Variants in SFXN5 observed in about 807,000 individuals in gnomAD.
SFXN5 encodes sideroflexin-5.
SFXN5 carries 43 observed loss-of-function variants against 50.2 expected under a neutral mutation model. That is an observed-to-expected ratio of 0.86 (90% confidence interval 0.67 to 1.11). SFXN5 has a LOEUF of 1.11. SFXN5 is among the 50% of genes least tolerant of loss of function. The pLI is 0.00. For synonymous variants in SFXN5, 203 were observed against 185.8 expected, an observed-to-expected ratio of 1.09 and a Z score of -0.75; for missense variants, 463 against 454.1, an observed-to-expected ratio of 1.02 and a Z score of -0.18.
At chr2:73,061,280 C>T (rs1286396259) in intron 1 of SFXN5, among the ~76,000 whole-genome samples, 1 of 150,082 alleles carries the variant, frequency 6.7e-6, no homozygotes, top group East Asian at 2.0e-4. Context: ...TGCACTGCAG[C>T]CTAGGCGACA....
chr2:73,054,721 T>C (rs1318661793), intron 2 of SFXN5, among the ~76,000 whole-genome samples: 2 of 152,334 alleles, frequency 1.3e-5, no homozygotes, highest in Non-Finnish European at 2.9e-5. Flanking sequence ...ACCTCTATCC[T>C]TTAAGTCTCA....
At chr2:73,061,818 T>C (rs752217181) in intron 1 of SFXN5, among the ~76,000 whole-genome samples, 7 of 152,090 alleles carry the variant, frequency 4.6e-5, no homozygotes, top group South Asian at 2.1e-4. Context: ...AAAATACATA[T>C]TTAGAGTAAA....
intron 2 of SFXN5, among the ~76,000 whole-genome samples, chr2:73,054,341 A>C (rs750830416): frequency 7.9e-5 from 12 of 152,230 alleles, no homozygotes; most frequent in Non-Finnish European, 1.5e-4. Context: ...TAGTCAGTAA[A>C]TATTTAAGTT....
At chr2:73,040,560 C>T (rs1011281373) in intron 3 of SFXN5, among the ~76,000 whole-genome samples, 2 of 152,184 alleles carry the variant, frequency 1.3e-5, no homozygotes, top group East Asian at 1.9e-4. Flanking sequence ...CATCCCTGAT[C>T]GTGGAATTGG....
intron 1 of SFXN5, chr2:73,059,006 A>G (rs1040738241): frequency 1.1e-6 from 1 of 949,822 alleles, no homozygotes; most frequent in Non-Finnish European, 1.2e-6. Context: ...CATCCTGCCT[A>G]CCCGCCACAG....
intron 10 of SFXN5, 34 bp from the exon 11 acceptor site, chr2:72,971,719 G>A (rs1403708806): frequency 6.5e-7 from 1 of 1,531,470 alleles, no homozygotes; most frequent in South Asian, 1.1e-5. Flanking sequence ...AGCAGGATGA[G>A]GAGGAAGATG....
intron 1 of SFXN5, among the ~76,000 whole-genome samples, chr2:73,064,572 A>G (rs1574275279): frequency 6.6e-6 from 1 of 152,200 alleles, no homozygotes; most frequent in African/African-American, 2.4e-5. Context: ...ATTTCAAGCA[A>G]ACTATGAGAC....
rs1270102510 is a variant in SFXN5, at chr2:72,958,360, C to T, written c.945+2771G>A. Among the ~76,000 whole-genome samples, 3 of 152,192 alleles carry T rather than the reference C, an allele frequency of 2.0e-5. No homozygotes were observed. In the East Asian group the frequency reaches 5.8e-4, roughly 29 times the overall value. On this transcript the variant is annotated intron_variant, in intron 13 of 13. Transcript: ENST00000272433. ...GTGTGGACCTCTGGTGTTTCCTCTC[C>T]TATCGGCACCTGACTTCTGCAACCT...
chr2:73,052,935 T>A (rs1306991616), intron 2 of SFXN5, among the ~76,000 whole-genome samples: 49 of 152,356 alleles, frequency 3.2e-4, no homozygotes, highest in Non-Finnish European at 4.4e-5. Context: ...CCCAGCACTC[T>A]GGGAGGCCAA....
intron 10 of SFXN5, among the ~76,000 whole-genome samples, chr2:72,983,270 CCTT>C (rs1471395184): frequency 2.6e-5 from 4 of 152,196 alleles, no homozygotes; most frequent in Non-Finnish European, 2.9e-5. Flanking sequence ...GAACAGAAGA[CCTT>C]CTCCCAAATA....
At chr2:72,982,190 G>A (rs527636706) in intron 10 of SFXN5, among the ~76,000 whole-genome samples, 1 of 152,288 alleles carries the variant, frequency 6.6e-6, no homozygotes, top group East Asian at 1.9e-4. Context: ...AGAGATACTA[G>A]TATCCATTTT....
At position 73,000,187 on chromosome 2, in the gene SFXN5, C is replaced by G. The variant is rs150069007; in HGVS notation, c.468+244G>C. On this transcript the variant is annotated intron_variant, in intron 8 of 13. Coordinates refer to ENST00000272433, the MANE Select transcript of SFXN5 (RefSeq NM_144579.3). ...GCACTGCTCCCATTTAATGGGCCTTCTTCACTTCATGTAAACAGCCCCTCC... is the reference window on the plus strand; with the variant it reads ...GCACTGCTCCCATTTAATGGGCCTTGTTCACTTCATGTAAACAGCCCCTCC... Among the ~76,000 whole-genome samples the G allele has an allele frequency of 2.5e-3, 380 of 152,334 alleles. 6 individuals are homozygous for G. Among genetic ancestry groups the G allele is most frequent in the African/African-American group, 8.7e-3 (363 of 41,572 alleles).
intron 2 of SFXN5, among the ~76,000 whole-genome samples, chr2:73,047,747 TA>T (rs1680701418): frequency 6.6e-6 from 1 of 152,162 alleles, no homozygotes; most frequent in Non-Finnish European, 1.5e-5. Flanking sequence ...CTCTTTCCTT[TA>T]TAATTACCCA....
chr2:72,999,505 C>T (rs763389661), intron 8 of SFXN5, among the ~76,000 whole-genome samples: 1 of 151,924 alleles, frequency 6.6e-6, no homozygotes, highest in Non-Finnish European at 1.5e-5. Context: ...GAATAATATA[C>T]CCCAAGTTCC....
rs1021113633 is a variant in SFXN5 at position 73,001,454 on chromosome 2, A to G, written c.411+71T>C. 4.6e-6 allele frequency: 7 copies of G among 1,528,984 alleles called. No homozygotes were observed. The African/African-American group carries it at 9.6e-5, about 21-fold the overall frequency. The allele number at this position is 1,528,984 out of a possible 1,614,324, so 94.7% of individuals were successfully genotyped here. A position where few individuals can be genotyped will look rare whatever the true frequency, so the allele number is the denominator to read the frequency against. On this transcript the variant is annotated intron_variant, in intron 7 of 13. Coordinates refer to ENST00000272433, the MANE Select transcript of SFXN5 (RefSeq NM_144579.3). ...GTCTGGACGGGGCAGGAGACACCACAGCAGGGAGTTCTTAACCAGCACCTG... is the reference window on the plus strand; with the variant it reads ...GTCTGGACGGGGCAGGAGACACCACGGCAGGGAGTTCTTAACCAGCACCTG...
intron 3 of SFXN5, among the ~76,000 whole-genome samples, chr2:73,026,426 C>T (rs1210243338): frequency 6.6e-6 from 1 of 151,932 alleles, no homozygotes; most frequent in East Asian, 1.9e-4. Context: ...AACATGGTTG[C>T]TGCCTTGACT....
At chr2:73,065,361 G>T (rs185935931) in intron 1 of SFXN5, among the ~76,000 whole-genome samples, 2 of 151,338 alleles carry the variant, frequency 1.3e-5, no homozygotes, top group Non-Finnish European at 2.9e-5. Flanking sequence ...TTGGCCTCTC[G>T]AAGTGCTGGG....
At chr2:73,014,245 T>G (rs1312857494) in intron 6 of SFXN5, among the ~76,000 whole-genome samples, 2 of 152,166 alleles carry the variant, frequency 1.3e-5, no homozygotes, top group Non-Finnish European at 2.9e-5. Flanking sequence ...GCATATAAGG[T>G]GATGTAGAGA....
At chr2:72,995,244 T>TA (rs1046147677) in intron 9 of SFXN5, among the ~76,000 whole-genome samples, 1 of 152,180 alleles carries the variant, frequency 6.6e-6, no homozygotes, top group Non-Finnish European at 1.5e-5. Context: ...ACTCTTGAAC[T>TA]AAAAAACAGT....
Sources: gnomAD v4.1 joint callset for allele counts (sites outside exome capture counted in the v4.1 genomes callset) on GRCh38, gnomAD v4.1.1 for gene constraint, MANE v1.5 for transcripts, NCBI Gene and HGNC (gene_info 2026-07-23, HGNC 2026-07-21) for gene names.